RARB: variants seen among roughly 807,000 people sequenced by gnomAD.
The protein encoded by RARB is HBV-activated protein.
In RARB, 17 loss-of-function variants were observed where a neutral mutation model predicts 51.9. The ratio of observed to expected loss-of-function variants is 0.33; its 90% CI spans 0.22 to 0.49. RARB has a LOEUF of 0.49. RARB is among the 20% of genes least tolerant of loss of function. The pLI is 0.99. For synonymous variants in RARB, 215 were observed against 195.4 expected, an observed-to-expected ratio of 1.10 and a Z score of -0.84; for missense variants, 369 against 550.8, an observed-to-expected ratio of 0.67 and a Z score of 3.30.
chr3:25,147,217 A>T (rs1661521466), intron 4 of RARB, among the ~76,000 whole-genome samples: 1 of 152,148 alleles, frequency 6.6e-6, no homozygotes, highest in South Asian at 2.1e-4. Flanking sequence ...CAAGCACTCT[A>T]GGTGATTATC....
At chr3:25,051,272 C>T (rs552050554) in intron 2 of RARB, among the ~76,000 whole-genome samples, 60 of 152,060 alleles carry the variant, frequency 3.9e-4, no homozygotes, top group African/African-American at 1.4e-3. Flanking sequence ...GGAATAGAAA[C>T]GTGTAATTGT....
rs547181822 is a variant in RARB at position 25,357,898 on chromosome 3, T to G, written c.179-103295T>G. On this transcript the variant is annotated intron_variant, in intron 5 of 11. Transcript: ENST00000383772. ...GTTTTGGTACCAGTACCATGCTGTT[T>G]CAGTTACTGTAGCCTTGTAGTATAG... Among the ~76,000 whole-genome samples, 12 of 152,312 alleles carry G rather than the reference T, an allele frequency of 7.9e-5. No homozygotes were observed. The South Asian group carries it at 1.5e-3, about 18-fold the overall frequency.
At chr3:25,256,744 A>G (rs973116320) in intron 5 of RARB, among the ~76,000 whole-genome samples, 2 of 152,076 alleles carry the variant, frequency 1.3e-5, no homozygotes, top group Non-Finnish European at 2.9e-5. Context: ...CAAGAAACCA[A>G]TTTGGCTACA....
chr3:25,238,903 C>T (rs1189461147), intron 5 of RARB, among the ~76,000 whole-genome samples: 1 of 151,952 alleles, frequency 6.6e-6, no homozygotes, highest in African/African-American at 2.4e-5. Flanking sequence ...CTCTTGAACC[C>T]AGGAGGCGGA....
intron 2 of RARB, among the ~76,000 whole-genome samples, chr3:24,888,395 A>T (rs1703304710): frequency 6.6e-6 from 1 of 152,152 alleles, no homozygotes; most frequent in African/African-American, 2.4e-5. Flanking sequence ...CTAGCCAGTT[A>T]CAGCTTTTAT....
chr3:25,458,116 A>G (rs1457778221), intron 1 of RARB, among the ~76,000 whole-genome samples: 5 of 152,220 alleles, frequency 3.3e-5, no homozygotes, highest in Admixed American at 6.5e-5. Flanking sequence ...TATTTTTAAA[A>G]TAACAACCTT....
In RARB at chr3:25,594,724, G is replaced by A. The variant is rs201235786; in HGVS notation, c.1150+46G>A. On this transcript the variant is annotated intron_variant, in intron 7 of 7. Transcript: ENST00000330688. ...TACTGTAGTCACACAGTGGACTTGA[G>A]GGCCTTACCAGGTTGTGTTGCTTTA... The A allele has an allele frequency of 1.1e-4, 161 of 1,461,974 alleles. 2 individuals carry two copies. The East Asian group carries it at 3.9e-3, about 36-fold the overall frequency. The allele number at this position is 1,461,974 out of a possible 1,614,324, so 90.6% of individuals were successfully genotyped here. A position where few individuals can be genotyped will look rare whatever the true frequency, so the allele number is the denominator to read the frequency against.
At chr3:25,236,671 A>G (rs779643409) in intron 5 of RARB, among the ~76,000 whole-genome samples, 2 of 152,096 alleles carry the variant, frequency 1.3e-5, no homozygotes, top group Non-Finnish European at 2.9e-5. Context: ...ATGTGTAACA[A>G]TGAAAATAAA....
At chr3:25,276,346 A>T (rs1444048876) in intron 5 of RARB, among the ~76,000 whole-genome samples, 2 of 152,128 alleles carry the variant, frequency 1.3e-5, no homozygotes, top group African/African-American at 4.8e-5. Context: ...ATGTAAGCTA[A>T]CTACCCTGAT....
chr3:25,188,369 G>A (rs1197294414), intron 5 of RARB, among the ~76,000 whole-genome samples: 6 of 152,216 alleles, frequency 3.9e-5, no homozygotes, highest in African/African-American at 1.4e-4. Flanking sequence ...TAAAAAGGGA[G>A]ACCTTTTATT....
chr3:24,997,010 G>A (rs909166198), intron 2 of RARB, among the ~76,000 whole-genome samples: 7 of 152,022 alleles, frequency 4.6e-5, no homozygotes, highest in Admixed American at 1.3e-4. Flanking sequence ...ATGTTTCTTT[G>A]TTGTTTTTCT....
chr3:24,911,222 G>T (rs1350786408), intron 2 of RARB, among the ~76,000 whole-genome samples: 2 of 152,122 alleles, frequency 1.3e-5, no homozygotes, highest in Non-Finnish European at 2.9e-5. Flanking sequence ...CACAGCTGTA[G>T]TACTCAGTAA....
At chr3:25,159,412 A>ACCCCCCC (rs11393745) in intron 4 of RARB, among the ~76,000 whole-genome samples, 1 of 141,748 alleles carries the variant, frequency 7.1e-6, no homozygotes, top group African/African-American at 2.7e-5. Context: ...CAGATGATCC[A>ACCCCCCC]CCCCCCCCGC....
intron 5 of RARB, among the ~76,000 whole-genome samples, chr3:25,415,038 C>T (rs1047595331): frequency 2.6e-5 from 4 of 152,218 alleles, no homozygotes; most frequent in African/African-American, 9.6e-5. Context: ...GACGGGGCTT[C>T]ACCATGTTGG....
At chr3:24,998,881 A>G (rs1340345194) in intron 2 of RARB, among the ~76,000 whole-genome samples, 1 of 152,128 alleles carries the variant, frequency 6.6e-6, no homozygotes, top group Non-Finnish European at 1.5e-5. Context: ...ATACATACCT[A>G]CTACATAATA....
chr3:25,413,162 C>T (rs899663704), intron 5 of RARB, among the ~76,000 whole-genome samples: 3 of 152,104 alleles, frequency 2.0e-5, no homozygotes. Context: ...AACCAGTATC[C>T]TAACTTCTAA....
At chr3:25,551,614 A>C (rs552856372) in intron 3 of RARB, among the ~76,000 whole-genome samples, 2 of 152,320 alleles carry the variant, frequency 1.3e-5, no homozygotes, top group Admixed American at 1.3e-4. Context: ...TGGGATGGTC[A>C]CATCTGACGC....
chr3:25,197,265 G>C (rs1160853528), intron 5 of RARB, among the ~76,000 whole-genome samples: 2 of 152,106 alleles, frequency 1.3e-5, no homozygotes, highest in Non-Finnish European at 2.9e-5. Flanking sequence ...AAGGGATCCA[G>C]TTTCAGCTTT....
At chr3:24,939,644 TG>T (rs1695618644) in intron 2 of RARB, among the ~76,000 whole-genome samples, 1 of 152,240 alleles carries the variant, frequency 6.6e-6, no homozygotes, top group African/African-American at 2.4e-5. Flanking sequence ...CAGCACATTT[TG>T]GTTTCAGATG....
Sources: gnomAD v4.1 joint callset for allele counts (sites outside exome capture counted in the v4.1 genomes callset) on GRCh38, gnomAD v4.1.1 for gene constraint, MANE v1.5 for transcripts, NCBI Gene and HGNC (gene_info 2026-07-23, HGNC 2026-07-21) for gene names.